The following CCNY variants were observed in gnomAD, a reference collection of about 807,000 sequenced individuals.
CCNY encodes cyclin Y, also known as cyclin-Y.
CCNY carries 19 observed loss-of-function variants against 42.8 expected under a neutral mutation model. The observed-to-expected ratio is 0.44, with a 90% CI of 0.31 to 0.65. The LOEUF is 0.65. CCNY is among the 30% of genes least tolerant of loss of function. The pLI, the probability that CCNY is intolerant of heterozygous loss-of-function variation, is 0.07. For missense variants in CCNY, 370 were observed against 437.3 expected, an observed-to-expected ratio of 0.85 and a Z score of 1.37; for synonymous variants, 165 against 162.7, an observed-to-expected ratio of 1.01 and a Z score of -0.11.
At chr10:35,557,613 G>A (rs961421727) in intron 8 of CCNY, among the ~76,000 whole-genome samples, 1 of 152,048 alleles carries the variant, frequency 6.6e-6, no homozygotes, top group African/African-American at 2.4e-5. Flanking sequence ...AAAATTAGCT[G>A]GTACTGGTGG....
At chr10:35,383,606 C>T (rs1285460931) in intron 1 of CCNY, among the ~76,000 whole-genome samples, 2 of 152,146 alleles carry the variant, frequency 1.3e-5, no homozygotes, top group Non-Finnish European at 2.9e-5. Flanking sequence ...TCGTGCCTGG[C>T]CTGAAACATT....
At chr10:35,536,571 G>A (rs1033806720) in intron 7 of CCNY, among the ~76,000 whole-genome samples, 5 of 152,156 alleles carry the variant, frequency 3.3e-5, no homozygotes, top group Admixed American at 2.0e-4. Flanking sequence ...TGGTGATAGC[G>A]ATATGGACAA....
At chr10:35,290,432 T>TA (rs1835401144) in intron 3 of CCNY, among the ~76,000 whole-genome samples, 1 of 151,860 alleles carries the variant, frequency 6.6e-6, no homozygotes, top group Non-Finnish European at 1.5e-5. Context: ...AAAAAAATCA[T>TA]AAAAGGGTGT....
At chr10:35,412,103 T>A (rs1233815845) in intron 1 of CCNY, among the ~76,000 whole-genome samples, 1 of 152,074 alleles carries the variant, frequency 6.6e-6, no homozygotes, top group African/African-American at 2.4e-5. Flanking sequence ...AGATGCCATG[T>A]TTGCCTCCAT....
At chr10:35,284,113 A>T (rs972108816) in intron 3 of CCNY, among the ~76,000 whole-genome samples, 5 of 152,126 alleles carry the variant, frequency 3.3e-5, no homozygotes, top group Non-Finnish European at 7.3e-5. Context: ...AAAATAAAAA[A>T]TAGCTTAATT....
Position 35,525,967 on chromosome 10 carries a change from C to G in CCNY, c.369C>G (p.Val123=). ...QPNLKYTIKC[V]ALAIYYHIKN... ...CCTCTGCATTCTATTTTTACAGTGT[C>G]GCTCTTGCAATATATTATCACATCA... Residue 123 remains valine, a synonymous_variant, in exon 5 of 10, where the codon GTC becomes GTG. Transcript: ENST00000374704. 6.2e-7 allele frequency: 1 copy of G among 1,611,778 alleles called. No individual in the cohort carries two copies.
chr10:35,497,231 T>C lies in CCNY; in HGVS notation c.230-4270T>C, dbSNP rs758498687. Reference sequence around the variant, plus strand: ...CTCCAGAGATTTTGATTGATTGTTATAGTAACCAAAAATATTGAAGTGTTA... The same window carrying C: ...CTCCAGAGATTTTGATTGATTGTTACAGTAACCAAAAATATTGAAGTGTTA... On this transcript the variant is annotated intron_variant, in intron 2 of 9. Transcript: ENST00000374704. Among the ~76,000 whole-genome samples, 7 of 152,250 alleles carry C rather than the reference T, an allele frequency of 4.6e-5. No homozygotes were observed. In the East Asian group the frequency reaches 7.7e-4, roughly 17 times the overall value.
intron 1 of CCNY, among the ~76,000 whole-genome samples, chr10:35,382,991 T>C (rs572036104): frequency 2.5e-4 from 38 of 152,318 alleles, no homozygotes; most frequent in African/African-American, 8.2e-4. Context: ...CCTGAACACC[T>C]TGGGTCTGAG....
intron 1 of CCNY, among the ~76,000 whole-genome samples, chr10:35,397,999 ACT>A (rs895094463): frequency 6.6e-6 from 1 of 151,892 alleles, no homozygotes; most frequent in Non-Finnish European, 1.5e-5. Context: ...GTGAGACCAG[ACT>A]CTGTTCTCTG....
chr10:35,505,274 TAA>T (rs35887849), intron 3 of CCNY, among the ~76,000 whole-genome samples: 38 of 139,928 alleles, frequency 2.7e-4, no homozygotes, highest in Non-Finnish European at 2.5e-4. Context: ...TCTAAGAAGT[TAA>T]AAAAAAAAAA....
intron 8 of CCNY, among the ~76,000 whole-genome samples, chr10:35,555,797 A>G (rs1841351423): frequency 6.6e-6 from 1 of 152,252 alleles, no homozygotes; most frequent in Non-Finnish European, 1.5e-5. Flanking sequence ...TTCAGCTGAA[A>G]TTAACTTAAT....
chr10:35,431,205 A>G (rs1292287689), intron 1 of CCNY, among the ~76,000 whole-genome samples: 1 of 151,990 alleles, frequency 6.6e-6, no homozygotes, highest in Non-Finnish European at 1.5e-5. Context: ...CTAATTTCAG[A>G]GAAGCATAAT....
At chr10:35,541,641 T>A (rs1427515961) in intron 7 of CCNY, among the ~76,000 whole-genome samples, 2 of 152,206 alleles carry the variant, frequency 1.3e-5, no homozygotes, top group Admixed American at 6.5e-5. Flanking sequence ...GTCAAGTGAC[T>A]CTTCCTCCTC....
chr10:35,449,025 T>A (rs1467216337), intron 1 of CCNY, among the ~76,000 whole-genome samples: 1 of 151,936 alleles, frequency 6.6e-6, no homozygotes, highest in Non-Finnish European at 1.5e-5. Context: ...GAGTTGCTCC[T>A]TAGTGACTGA....
At chr10:35,268,745 G>GT (rs1390254307) in intron 3 of CCNY, among the ~76,000 whole-genome samples, 6 of 152,216 alleles carry the variant, frequency 3.9e-5, no homozygotes, top group Non-Finnish European at 1.5e-5. Context: ...CACTACATGA[G>GT]TGCCACCAAG....
At chr10:35,268,391 A>G (rs1211957366) in intron 3 of CCNY, among the ~76,000 whole-genome samples, 2 of 152,184 alleles carry the variant, frequency 1.3e-5, no homozygotes, top group East Asian at 1.9e-4. Flanking sequence ...GCTTGAATAC[A>G]ATCTTTGCCT....
chr10:35,412,354 A>G (rs965454295), intron 1 of CCNY, among the ~76,000 whole-genome samples: 2 of 152,240 alleles, frequency 1.3e-5, no homozygotes, highest in Non-Finnish European at 2.9e-5. Flanking sequence ...AGAGATCAAT[A>G]GAAACCCTGG....
intron 3 of CCNY, among the ~76,000 whole-genome samples, chr10:35,304,378 C>T (rs1275136683): frequency 1.9e-5 from 1 of 52,668 alleles, no homozygotes; most frequent in Non-Finnish European, 3.4e-5. Context: ...GGCGGGATCT[C>T]GGCTCACTGC....
At chr10:35,334,545 G>A (rs1476591823), upstream of CCNY, among the ~76,000 whole-genome samples, 1 of 152,186 alleles carries the variant, frequency 6.6e-6, no homozygotes, top group Admixed American at 6.5e-5. Context: ...CCTCAATGAA[G>A]AGCACTATTT....
Sources: gnomAD v4.1 joint callset for allele counts (sites outside exome capture counted in the v4.1 genomes callset) on GRCh38, gnomAD v4.1.1 for gene constraint, MANE v1.5 for transcripts, NCBI Gene and HGNC (gene_info 2026-07-23, HGNC 2026-07-21) for gene names.